FBRSL1: variants seen among roughly 807,000 people sequenced by gnomAD.
The protein encoded by FBRSL1 is fibrosin like 1.
A neutral mutation model predicts 89.6 loss-of-function variants in FBRSL1; 51 were observed. That is an observed-to-expected ratio of 0.57 (90% CI 0.45 to 0.72). The LOEUF is 0.72. FBRSL1 is among the 30% of genes least tolerant of loss of function. The pLI, the probability that FBRSL1 is intolerant of heterozygous loss-of-function variation, is 0.00. For missense variants in FBRSL1, 1,618 were observed against 1,451.8 expected (o/e 1.11, Z -1.86); for synonymous variants, 779 against 681.1 (o/e 1.14, Z -2.24).
chr12:132,508,061 C>A, intron 1 of FBRSL1, 92 bp from the exon 2 acceptor site: 3 of 1,358,080 alleles, frequency 2.2e-6, no homozygotes, highest in Non-Finnish European at 3.0e-6. Flanking sequence ...AGTGGGGAGG[C>A]TCCTTCCCAA....
chr12:132,508,091 T>C, intron 1 of FBRSL1, 62 bp from the exon 2 acceptor site: 1 of 1,447,534 alleles, frequency 6.9e-7, no homozygotes, highest in Non-Finnish European at 9.4e-7. Flanking sequence ...AGGTGGGTGC[T>C]GTCCTGGGCC....
In FBRSL1 at chr12:132,512,018, T is replaced by C; in HGVS notation, c.489+3668T>C. On this transcript the variant is annotated intron_variant, in intron 2 of 18. Coordinates refer to ENST00000680143, the MANE Select transcript of FBRSL1 (RefSeq NM_001367871.1). The stretch of plus-strand genomic sequence containing the variant: ...ACGTGATTTATTCCCACAAAGGGCT[T>C]TTGTGCTGGGCTTGGCTCGGGATTC... 3.0e-6 allele frequency: 3 copies of C among 985,380 alleles called. No individual in the cohort carries two copies. The South Asian group carries it at 1.4e-4, about 46-fold the overall frequency. The allele number at this position is 985,380 out of a possible 1,614,324, so 61.0% of individuals were successfully genotyped here.
chr12:132,522,756 C>A (rs1039172532), intron 2 of FBRSL1, among the ~76,000 whole-genome samples: 5 of 152,200 alleles, frequency 3.3e-5, no homozygotes, highest in Non-Finnish European at 7.4e-5. Context: ...AGCAGGGTGC[C>A]CTGTGAGGAG....
chr12:132,492,235 G>C (rs924830505), intron 1 of FBRSL1, among the ~76,000 whole-genome samples: 3 of 152,294 alleles, frequency 2.0e-5, no homozygotes, highest in Middle Eastern at 3.4e-3. Flanking sequence ...TGCTCCGAGC[G>C]GGTCAGCCCT....
intron 4 of FBRSL1, among the ~76,000 whole-genome samples, chr12:132,547,801 C>G (rs1315027874): frequency 6.6e-6 from 1 of 152,134 alleles, no homozygotes; most frequent in Non-Finnish European, 1.5e-5. Context: ...GGGCTGTGAT[C>G]CAGGTCTGTC....
At chr12:132,501,929 C>A (rs1349780220) in intron 1 of FBRSL1, among the ~76,000 whole-genome samples, 1 of 152,244 alleles carries the variant, frequency 6.6e-6, no homozygotes, top group Non-Finnish European at 1.5e-5. Flanking sequence ...CCCGGTGTCT[C>A]CAGCACCTGG....
chr12:132,533,200 G>C (rs35737278), intron 4 of FBRSL1, among the ~76,000 whole-genome samples: 31,965 of 136,158 alleles, frequency 0.23, 3,827 homozygotes, highest in East Asian at 0.36. Context: ...CCTGGAGTCA[G>C]AGAGCCACAG....
At chr12:132,535,740 C>T (rs2036656106) in intron 4 of FBRSL1, among the ~76,000 whole-genome samples, 1 of 152,258 alleles carries the variant, frequency 6.6e-6, no homozygotes, top group Non-Finnish European at 1.5e-5. Flanking sequence ...GGTTAGGAGT[C>T]CTGCATGTGT....
chr12:132,567,580 C>T (rs1363248271), intron 6 of FBRSL1, 54 bp downstream of exon 6: 22 of 1,516,362 alleles, frequency 1.5e-5, no homozygotes, highest in Non-Finnish European at 1.8e-5. Context: ...CACAATGCGC[C>T]CTGCGTCTTG....
chr12:132,530,469 CT>C (rs2036165518), intron 4 of FBRSL1, among the ~76,000 whole-genome samples: 1 of 151,904 alleles, frequency 6.6e-6, no homozygotes, highest in African/African-American at 2.4e-5. Flanking sequence ...GCTCTGCCCC[CT>C]GTTGCTGGTG....
At chr12:132,543,044 C>G (rs937779951) in intron 4 of FBRSL1, among the ~76,000 whole-genome samples, 1 of 152,158 alleles carries the variant, frequency 6.6e-6, no homozygotes, top group African/African-American at 2.4e-5. Context: ...CTTCGGGTAG[C>G]AAGGGTGCAC....
At chr12:132,540,643 G>A (rs117239421) in intron 4 of FBRSL1, among the ~76,000 whole-genome samples, 1,768 of 152,160 alleles carry the variant, frequency 0.012, 41 homozygotes, top group East Asian at 0.12. Context: ...CAGCCATCCC[G>A]TGGGCTTCCG....
Position 132,583,311 on chromosome 12 carries a change from C to G in FBRSL1, c.2542C>G (p.Pro848Ala), listed in dbSNP as rs1350792915. ...CCTGGGCCGCGAGCGCCTGGGCGCG[C>G]CGGGCTTCGCGTGGGAGCCTTTCCG... ...LGLGRERLGA[P>A]GFAWEPFRGL... is the part of the protein sequence containing the mutation. Residue 848 changes from proline to alanine, a missense_variant, in exon 19 of 19, where the codon CCG (proline) becomes GCG (alanine). By Grantham distance (27) the Pro-to-Ala change is conservative. Coordinates refer to ENST00000680143, the MANE Select transcript of FBRSL1 (RefSeq NM_001367871.1). 9.2e-6 allele frequency: 11 copies of G among 1,194,722 alleles called. No individual in the cohort carries two copies. Among genetic ancestry groups the G allele is most frequent in the Non-Finnish European group, 8.3e-6 (8 of 961,864 alleles). 74.0% of individuals were successfully genotyped at this position (1,194,722 alleles called of 1,614,324 possible).
chr12:132,494,874 C>T (rs1295426014), intron 1 of FBRSL1, among the ~76,000 whole-genome samples: 2 of 152,238 alleles, frequency 1.3e-5, no homozygotes, highest in Admixed American at 6.5e-5. Context: ...TGTGCTTCCA[C>T]ATTCTCTGCT....
intron 3 of FBRSL1, 45 bp downstream of exon 3, chr12:132,525,868 G>A (rs563347092): frequency 7.6e-5 from 112 of 1,472,376 alleles, no homozygotes; most frequent in East Asian, 3.3e-4. Flanking sequence ...AGTCTGGGCC[G>A]CCTGCCCGCT....
At chr12:132,504,800 G>A (rs930777545) in intron 1 of FBRSL1, among the ~76,000 whole-genome samples, 6 of 152,140 alleles carry the variant, frequency 3.9e-5, no homozygotes, top group East Asian at 1.9e-4. Context: ...TGGTCACTGC[G>A]ACCAACTCAT....
At position 132,569,990 on chromosome 12, in the gene FBRSL1, C is replaced by T. The variant is rs2039895889; in HGVS notation, c.756C>T (p.Arg252=). The T allele has an allele frequency of 6.7e-7, 1 of 1,496,188 alleles. No homozygotes were observed. 92.7% of individuals were successfully genotyped at this position (1,496,188 alleles called of 1,614,324 possible). The change falls in exon 7 of 19, where the codon CGC becomes CGT. Residue 252 remains arginine, a synonymous_variant. Coordinates refer to ENST00000680143, the MANE Select transcript of FBRSL1 (RefSeq NM_001367871.1). ...GPVPKVSGLE[R]SRELSAESFL... is the part of the protein sequence containing the mutation. ...TGCCCAAGGTGTCAGGCCTGGAGCG[C>T]AGCCGCGAGCTCAGCGCCGAGAGCT...
chr12:132,533,993 G>A (rs1286472260), intron 4 of FBRSL1, among the ~76,000 whole-genome samples: 1 of 152,164 alleles, frequency 6.6e-6, no homozygotes, highest in African/African-American at 2.4e-5. Context: ...AACAGGGAGG[G>A]GTGCAGGGGA....
At chr12:132,527,525 A>T (rs1354459956) in intron 3 of FBRSL1, among the ~76,000 whole-genome samples, 1 of 152,014 alleles carries the variant, frequency 6.6e-6, no homozygotes, top group African/African-American at 2.4e-5. Flanking sequence ...GCCTGAGAGG[A>T]TGTCTCGCTG....
Sources: allele counts gnomAD v4.1 joint callset (sites outside exome capture counted in the v4.1 genomes callset), GRCh38; gene constraint gnomAD v4.1.1; transcripts MANE v1.5; gene names NCBI Gene and HGNC (gene_info 2026-07-23, HGNC 2026-07-21).